Variants in MDN1 observed in about 807,000 individuals in gnomAD.
MDN1 encodes the protein midasin AAA ATPase 1.
A neutral mutation model predicts 669.2 loss-of-function variants in MDN1; 266 were observed. The observed-to-expected ratio is 0.40, with a 90% CI of 0.36 to 0.44. The LOEUF is 0.44. Ranked by LOEUF, MDN1 falls within the 20% of genes least tolerant of loss-of-function variation. The probability of loss-of-function intolerance (pLI) is 1.00; values close to 1 mark genes in which losing one functional copy is unlikely to be tolerated. For missense variants in MDN1, 5,940 were observed against 6,754.0 expected (o/e 0.88, Z 4.22); for synonymous variants, 2,385 against 2,457.1 (o/e 0.97, Z 0.87).
intron 27 of MDN1, 85 bp from the exon 28 acceptor site, chr6:89,745,711 A>G (rs1816574174): frequency 1.5e-6 from 2 of 1,306,298 alleles, no homozygotes; most frequent in African/African-American, 3.0e-5. Flanking sequence ...ATGAAACAAT[A>G]GAAACTCTCA....
intron 8 of MDN1, among the ~76,000 whole-genome samples, chr6:89,786,668 C>T (rs1368432764): frequency 6.6e-6 from 1 of 151,950 alleles, no homozygotes; most frequent in African/African-American, 2.4e-5. Flanking sequence ...GTGGCTCACG[C>T]CTGTAATCCC....
intron 50 of MDN1, 89 bp from the exon 51 acceptor site, chr6:89,708,717 A>G (rs1813684994): frequency 1.4e-6 from 2 of 1,405,752 alleles, no homozygotes; most frequent in Admixed American, 3.6e-5. Flanking sequence ...TCATTGTTTT[A>G]CTTTGAGCAC....
chr6:89,783,324 CGGTTAAGATAAG>C (rs1231288706), intron 9 of MDN1, among the ~76,000 whole-genome samples: 1 of 152,036 alleles, frequency 6.6e-6, no homozygotes, highest in African/African-American at 2.4e-5. Context: ...CTGTCTTATG[CGGTTAAGATAAG>C]GACCGAGATA....
rs1584221973 is a variant in MDN1 at position 89,700,190 on chromosome 6, G to A, written c.8743C>T (p.His2915Tyr). 2.5e-6 allele frequency: 4 copies of A among 1,614,168 alleles called. No individual in the cohort carries two copies. Among genetic ancestry groups the A allele is most frequent in the Non-Finnish European group, 3.4e-6 (4 of 1,180,026 alleles). Residue 2915 changes from histidine (H) to tyrosine (Y), a missense_variant, in exon 57 of 102, where the codon CAT becomes TAT. Transcript: ENST00000369393. ...TGGATTACGGAGGTCAAGTCTGGATGGGACAGGGAGGAAGCTTCATCATGC... is the reference window on the plus strand; with the variant it reads ...TGGATTACGGAGGTCAAGTCTGGATAGGACAGGGAGGAAGCTTCATCATGC... The part of the protein sequence containing the change: ...KKHDEASSLS[H>Y]PDLTSVIHLT...
chr6:89,683,331 C>T lies in MDN1; in HGVS notation c.11904-1G>A, dbSNP rs1457614159. ...TTTCTTCATGAATTTAAAGAGTGTC[C>T]TGTCCCCAGGTAATGACAGAGATAA... On this transcript the variant is annotated splice_acceptor_variant, in intron 72 of 101. Transcript: ENST00000369393. LOFTEE classifies it high-confidence loss of function. 2 of 1,613,512 alleles carry T rather than the reference C, an allele frequency of 1.2e-6. No homozygotes were observed. Among genetic ancestry groups the T allele is most frequent in the Non-Finnish European group, 1.7e-6 (2 of 1,179,806 alleles).
Position 89,662,141 on chromosome 6 carries a change from T to G in MDN1, c.14511A>C (p.Ala4837=). 1 of 1,614,110 alleles carries G rather than the reference T, an allele frequency of 6.2e-7. No individual in the cohort carries two copies. Residue 4837 remains alanine, a synonymous_variant, in exon 87 of 102, where the codon GCA becomes GCC. Transcript: ENST00000369393. ...QQDKKEEKEE[A]EADDGGQGED... Reference sequence around the variant, plus strand: ...CACCTTGTCCACCATCATCAGCTTCTGCTTCTTCCTTTTCTTCCTTCTTAT... The same window carrying G: ...CACCTTGTCCACCATCATCAGCTTCGGCTTCTTCCTTTTCTTCCTTCTTAT...
chr6:89,688,054 T>C (rs768235617), intron 67 of MDN1, 24 bp downstream of exon 67: 2 of 1,588,468 alleles, frequency 1.3e-6, no homozygotes, highest in East Asian at 2.2e-5. Flanking sequence ...CCAACTAAAA[T>C]GAGGAAGAGA....
intron 1 of MDN1, among the ~76,000 whole-genome samples, chr6:89,808,768 G>C (rs1459015086): frequency 6.6e-6 from 1 of 152,072 alleles, no homozygotes; most frequent in Non-Finnish European, 1.5e-5. Context: ...AATCATTCTA[G>C]GGCTCACCTT....
intron 1 of MDN1, among the ~76,000 whole-genome samples, chr6:89,810,875 G>A (rs1457204835): frequency 6.6e-6 from 1 of 152,152 alleles, no homozygotes; most frequent in Non-Finnish European, 1.5e-5. Flanking sequence ...GCACACACCT[G>A]TAATCCCAGC....
chr6:89,657,023 G>C (rs1809362803), intron 90 of MDN1, among the ~76,000 whole-genome samples: 1 of 152,184 alleles, frequency 6.6e-6, no homozygotes, highest in South Asian at 2.1e-4. Flanking sequence ...CCTCTCAGGG[G>C]CCTTTGTAAG....
Position 89,680,627 on chromosome 6 carries a change from G to A in MDN1, c.12227C>T (p.Pro4076Leu). Residue 4076 changes from proline (P) to leucine (L), a missense_variant, in exon 74 of 102, where the codon CCC becomes CTC. Pro to Leu is a moderately conservative substitution (Grantham distance 98). Around this residue, in one of 5 missense-constraint regions of MDN1, gnomAD observed 2,280 missense variants for 2,576.3 expected, o/e 0.88. Coordinates refer to ENST00000369393, the MANE Select transcript of MDN1 (RefSeq NM_014611.3). ...KMCLTFMKES[P>L]LPRLVEGLDQ... is the part of the protein sequence containing the mutation. ...AAGGCCCTCCACAAGGCGAGGCAGGGGGCTCTCCTTCATGAACGTCAGGCA... is the reference window on the plus strand; with the variant it reads ...AAGGCCCTCCACAAGGCGAGGCAGGAGGCTCTCCTTCATGAACGTCAGGCA... 6.2e-7 allele frequency: 1 copy of A among 1,614,146 alleles called. No individual in the cohort carries two copies. The highest frequency in any genetic ancestry group is 1.3e-5 in the African/African-American group (1 of 75,052).
intron 27 of MDN1, among the ~76,000 whole-genome samples, chr6:89,746,242 T>C (rs1035433752): frequency 2.0e-5 from 3 of 152,158 alleles, no homozygotes; most frequent in Non-Finnish European, 4.4e-5. Context: ...TAAATCTTGG[T>C]CTAGGTGATA....
At chr6:89,741,313 AG>A (rs573273488) in intron 31 of MDN1, among the ~76,000 whole-genome samples, 147 of 152,288 alleles carry the variant, frequency 9.7e-4, no homozygotes, top group African/African-American at 3.5e-3. Flanking sequence ...GTGAGAAAAA[AG>A]TCTAACAAAA....
intron 1 of MDN1, among the ~76,000 whole-genome samples, chr6:89,810,118 T>C (rs1479245844): frequency 1.3e-5 from 2 of 148,632 alleles, no homozygotes; most frequent in African/African-American, 2.5e-5. Flanking sequence ...GGAGCTGTCA[T>C]AACAAAATAC....
At chr6:89,798,705 C>T (rs7770300) in intron 2 of MDN1, among the ~76,000 whole-genome samples, 45,239 of 152,062 alleles carry the variant, frequency 0.3, 6,787 homozygotes, top group Non-Finnish European at 0.32. Context: ...AACCACTGAA[C>T]TGTACACTTT....
At chr6:89,721,928 A>C (rs1428107815) in intron 40 of MDN1, among the ~76,000 whole-genome samples, 1 of 152,202 alleles carries the variant, frequency 6.6e-6, no homozygotes, top group African/African-American at 2.4e-5. Context: ...TAGTGCATGC[A>C]TCTATGTATC....
chr6:89,803,585 T>C (rs778254959), intron 1 of MDN1, 31 bp from the exon 2 acceptor site: 63 of 353,662 alleles, frequency 1.8e-4, no homozygotes, highest in South Asian at 8.9e-4. Context: ...CATCTTTCAC[T>C]TTTTTTTTTT....
chr6:89,724,051 G>A (rs1395568350), intron 38 of MDN1, among the ~76,000 whole-genome samples: 2 of 151,826 alleles, frequency 1.3e-5, no homozygotes, highest in East Asian at 2.0e-4. Context: ...GCTGAGGCAG[G>A]AGAATTGCTT....
At chr6:89,721,475 T>G (rs1057185936) in intron 40 of MDN1, among the ~76,000 whole-genome samples, 1 of 152,166 alleles carries the variant, frequency 6.6e-6, no homozygotes, top group Non-Finnish European at 1.5e-5. Context: ...TTTAAAGGTA[T>G]GGAGAGTTGG....
Sources: gnomAD v4.1 joint callset for allele counts (sites outside exome capture counted in the v4.1 genomes callset) on GRCh38, gnomAD v4.1.1 for gene constraint, gnomAD v4.1.1 regional missense constraint, MANE v1.5 for transcripts, NCBI Gene and HGNC (gene_info 2026-07-23, HGNC 2026-07-21) for gene names.